ST3GAL1: variants seen among roughly 807,000 people sequenced by gnomAD.
The protein encoded by ST3GAL1 is ST3 beta-galactoside alpha-2,3-sialyltransferase 1.
Under a neutral mutation model 34.1 loss-of-function variants are expected in ST3GAL1, and 16 were observed. The observed-to-expected ratio is 0.47, with a 90% CI of 0.32 to 0.71. The LOEUF (loss-of-function observed/expected upper bound fraction) is 0.71. ST3GAL1 is among the 30% of genes least tolerant of loss of function. The pLI is 0.04. For synonymous variants in ST3GAL1, 191 were observed against 184.7 expected (o/e 1.03, Z -0.28); for missense variants, 353 against 447.4 (o/e 0.79, Z 1.90).
At chr8:133,475,205 C>G (rs1015635770) in intron 5 of ST3GAL1, among the ~76,000 whole-genome samples, 13 of 152,204 alleles carry the variant, frequency 8.5e-5, no homozygotes, top group Non-Finnish European at 1.8e-4. Flanking sequence ...GAGGCAGAGG[C>G]TGGACTGCTG....
At chr8:133,540,804 TAGAG>T (rs1289111758) in intron 2 of ST3GAL1, among the ~76,000 whole-genome samples, 6 of 113,660 alleles carry the variant, frequency 5.3e-5, no homozygotes, top group East Asian at 2.2e-4. Context: ...GACATATATA[TAGAG>T]AGACATATAT....
chr8:133,521,453 C>T (rs909893813), intron 2 of ST3GAL1, among the ~76,000 whole-genome samples: 13 of 152,184 alleles, frequency 8.5e-5, no homozygotes, highest in African/African-American at 1.7e-4. Context: ...CGCCTGCCAC[C>T]GTGCCCAGCT....
Position 133,547,986 on chromosome 8 carries a change from A to C in ST3GAL1, c.-581-2060T>G, listed in dbSNP as rs1050217080. Among the ~76,000 whole-genome samples the C allele has an allele frequency of 1.6e-4, 24 of 152,298 alleles. 1 individual carries two copies. Among genetic ancestry groups the C allele is most frequent in the African/African-American group, 5.5e-4 (23 of 41,550 alleles). On this transcript the variant is annotated intron_variant, in intron 1 of 9. Coordinates refer to ENST00000522652, the MANE Select transcript of ST3GAL1 (RefSeq NM_173344.3). Reference sequence around the variant, plus strand: ...TCTAAGCCCAGAGTTGTCTAAAGGCATTTGCCTGGTTCTGGAAACCATGTG... The same window carrying C: ...TCTAAGCCCAGAGTTGTCTAAAGGCCTTTGCCTGGTTCTGGAAACCATGTG...
chr8:133,556,675 GGGAGAAAGAAAACTATTAGCCAT>G lies in ST3GAL1; in HGVS notation c.-581-10772_-581-10750del, dbSNP rs753289084. 7.2e-5 allele frequency among the ~76,000 whole-genome samples: 11 copies of G among 152,338 alleles called. No individual in the cohort carries two copies. Among genetic ancestry groups the G allele is most frequent in the Non-Finnish European group, 1.6e-4 (11 of 68,038 alleles). ...GGAACGAAAATGGGAAGGAAGAGAA[GGGAGAAAGAAAACTATTAGCCAT>G]GGAAACCTTGCACCCAAGGACACGG... is the stretch of plus-strand genomic sequence containing the variant. On this transcript the variant is annotated intron_variant, in intron 1 of 9. Coordinates refer to ENST00000522652, the MANE Select transcript of ST3GAL1 (RefSeq NM_173344.3). This position sits in a 1 kb window ranked among gnomAD's most constrained non-coding sequence, Gnocchi z 8.9.
intron 3 of ST3GAL1, among the ~76,000 whole-genome samples, chr8:133,487,873 C>T (rs1380098807): frequency 2.6e-5 from 4 of 150,958 alleles, no homozygotes; most frequent in Non-Finnish European, 5.9e-5. Context: ...GAGGCTGAGG[C>T]AGGAGAATTG....
intron 9 of ST3GAL1, 77 bp from the exon 10 acceptor site, chr8:133,460,014 G>C: frequency 1.4e-6 from 2 of 1,471,182 alleles, no homozygotes; most frequent in South Asian, 1.3e-5. Context: ...GCCTGTAGGC[G>C]TTCCTGGAAT....
intron 1 of ST3GAL1, among the ~76,000 whole-genome samples, chr8:133,564,124 G>A (rs766450922): frequency 3.0e-4 from 46 of 152,158 alleles, no homozygotes; most frequent in African/African-American, 3.4e-4. Flanking sequence ...AACAGCCATC[G>A]ACAAAACTAA....
chr8:133,562,113 C>G (rs1003289989), intron 1 of ST3GAL1, among the ~76,000 whole-genome samples: 1 of 151,792 alleles, frequency 6.6e-6, no homozygotes, highest in African/African-American at 2.4e-5. Context: ...AGAGACCTAC[C>G]AAGTAGAAAT....
chr8:133,477,739 G>T lies in ST3GAL1; in HGVS notation c.-373-1139C>A, dbSNP rs79802945. ...TGGGATTTCTGTATGGTACAACTGT[G>T]GTTGCACGTCTGCCCTGGAGCGTGG... is the stretch of plus-strand genomic sequence containing the variant. On this transcript the variant is annotated intron_variant, in intron 3 of 9. Coordinates refer to ENST00000522652, the MANE Select transcript of ST3GAL1 (RefSeq NM_173344.3). Among the ~76,000 whole-genome samples, 536 of 152,130 alleles carry T rather than the reference G, an allele frequency of 3.5e-3. 16 individuals are homozygous for T. In the East Asian group the frequency reaches 0.079, roughly 22 times the overall value.
At position 133,562,344 on chromosome 8, in the gene ST3GAL1, G is replaced by A. The variant is rs190769620; in HGVS notation, c.-582+9349C>T. On this transcript the variant is annotated intron_variant, in intron 1 of 9. Coordinates refer to ENST00000522652, the MANE Select transcript of ST3GAL1 (RefSeq NM_173344.3). ...CCTACCTCAGCCTCCCGAGTAGCTG[G>A]GACTACAGGCACACACCATCATGTC... 5.0e-3 allele frequency among the ~76,000 whole-genome samples: 764 copies of A among 151,878 alleles called. 1 individual carries two copies. The highest frequency in any genetic ancestry group is 0.01 in the Middle Eastern group (3 of 290).
In ST3GAL1 at chr8:133,475,889, G is replaced by A. The variant is rs1816157438; in HGVS notation, c.136C>T (p.Leu46Phe). Residue 46 changes from leucine to phenylalanine, a missense_variant, in exon 5 of 10, where the codon CTC becomes TTC. By Grantham distance (22) the Leu-to-Phe change is conservative. Coordinates refer to ENST00000522652, the MANE Select transcript of ST3GAL1 (RefSeq NM_173344.3). Reference protein sequence around the residue: ...TWFPKQMVLELSENLKRLIKH... With the variant: ...TWFPKQMVLEFSENLKRLIKH... ...ATCAGTCTCTTCAGGTTCTCGGAGA[G>A]CTCCAGGACCATCTGCTTGGGGAAC... 19 of 1,614,122 alleles carry A rather than the reference G, an allele frequency of 1.2e-5. No homozygotes were observed. The highest frequency in any genetic ancestry group is 1.6e-5 in the Non-Finnish European group (19 of 1,180,040).
At chr8:133,547,902 G>A (rs1255318184) in intron 1 of ST3GAL1, among the ~76,000 whole-genome samples, 6 of 152,210 alleles carry the variant, frequency 3.9e-5, no homozygotes, top group Non-Finnish European at 7.3e-5. Flanking sequence ...CTGGGCAAAA[G>A]CAGGAGTGGG....
In ST3GAL1 at chr8:133,547,018, A is replaced by AAAAG. The variant is rs5895197; in HGVS notation, c.-581-1093_-581-1092insCTTT. On this transcript the variant is annotated intron_variant, in intron 1 of 9. Transcript: ENST00000522652. ...ACTCCATCTCAGGAAAAAAAAAAAA[A>AAAAG]AAGACTTCATCTGACAGGAAGAATA... is the stretch of plus-strand genomic sequence containing the variant. Among the ~76,000 whole-genome samples the AAAAG allele has an allele frequency of 1.7e-3, 248 of 147,770 alleles. 1 individual carries two copies. The highest frequency in any genetic ancestry group is 1.9e-3 in the Non-Finnish European group (131 of 67,190).
intron 2 of ST3GAL1, among the ~76,000 whole-genome samples, chr8:133,526,336 T>C (rs1366686216): frequency 1.3e-5 from 2 of 152,120 alleles, no homozygotes; most frequent in Non-Finnish European, 2.9e-5. Flanking sequence ...CTCCTGCAGA[T>C]AATTCTACAT....
At chr8:133,520,810 C>T (rs1262500194) in intron 2 of ST3GAL1, among the ~76,000 whole-genome samples, 2 of 135,538 alleles carry the variant, frequency 1.5e-5, no homozygotes, top group African/African-American at 2.8e-5. Context: ...CTCACTTTGT[C>T]GTCCAGGCTA....
rs1354136034 is a variant in ST3GAL1 at position 133,459,059 on chromosome 8, T to A, written c.*705A>T. On this transcript the variant is annotated 3_prime_UTR_variant, in exon 10 of 10. Coordinates refer to ENST00000522652, the MANE Select transcript of ST3GAL1 (RefSeq NM_173344.3). The surrounding 1 kb of genome is among the most constrained non-coding windows in gnomAD (Gnocchi z 4.7). ...TGCCACCGTGCCTGGCTAATTTTTT[T>A]AAATCTTTTATTTTTGTAGAGACAG... is the stretch of plus-strand genomic sequence containing the variant. The A allele has an allele frequency of 2.0e-5, 3 of 152,174 alleles. No homozygotes were observed. The highest frequency in any genetic ancestry group is 2.1e-4 in the South Asian group (1 of 4,832). The allele number at this position is 152,174 out of a possible 1,614,324, so 9.4% of individuals were successfully genotyped here. A position where few individuals can be genotyped will look rare whatever the true frequency, so the allele number is the denominator to read the frequency against.
At chr8:133,522,024 A>G (rs962609486) in intron 2 of ST3GAL1, among the ~76,000 whole-genome samples, 2 of 152,320 alleles carry the variant, frequency 1.3e-5, no homozygotes, top group Non-Finnish European at 2.9e-5. Flanking sequence ...TCCAAACAAA[A>G]CAAAACAAAA....
intron 2 of ST3GAL1, among the ~76,000 whole-genome samples, chr8:133,528,564 C>T (rs577796348): frequency 3.3e-4 from 51 of 152,350 alleles, no homozygotes; most frequent in African/African-American, 1.2e-3. Context: ...CAGGGGTCAT[C>T]GAATGACAGC....
chr8:133,530,292 T>A (rs1233504508), intron 2 of ST3GAL1, among the ~76,000 whole-genome samples: 10 of 150,016 alleles, frequency 6.7e-5, no homozygotes, highest in Non-Finnish European at 1.0e-4. Flanking sequence ...TTTTATTTTT[T>A]TTTTTTGAGA....
Sources: gnomAD v4.1 joint callset for allele counts (sites outside exome capture counted in the v4.1 genomes callset) on GRCh38, gnomAD v4.1.1 for gene constraint, Gnocchi (gnomAD v3.1) non-coding constraint, MANE v1.5 for transcripts, NCBI Gene and HGNC (gene_info 2026-07-23, HGNC 2026-07-21) for gene names.